Variants in HACE1 observed in about 807,000 individuals in gnomAD.
HACE1 encodes E3 ubiquitin-protein ligase HACE1.
Under a neutral mutation model 118.4 loss-of-function variants are expected in HACE1, and 73 were observed. The observed-to-expected ratio is 0.62, with a 90% CI of 0.51 to 0.75. The LOEUF is 0.75. Ranked by LOEUF, HACE1 falls within the 30% of genes least tolerant of loss-of-function variation. The probability of loss-of-function intolerance (pLI) is 0.00; values close to 1 mark genes in which losing one functional copy is unlikely to be tolerated. For synonymous variants in HACE1, 368 were observed against 374.8 expected, an observed-to-expected ratio of 0.98 and a Z score of 0.21; for missense variants, 749 against 1,102.2, an observed-to-expected ratio of 0.68 and a Z score of 4.54.
intron 5 of HACE1, among the ~76,000 whole-genome samples, chr6:104,839,968 T>C (rs917171726): frequency 6.6e-6 from 1 of 152,164 alleles, no homozygotes; most frequent in African/African-American, 2.4e-5. Context: ...ATTGCACTAC[T>C]GCACTCTAGC....
intron 19 of HACE1, among the ~76,000 whole-genome samples, chr6:104,769,863 G>A (rs1000296960): frequency 2.0e-5 from 3 of 151,952 alleles, no homozygotes; most frequent in Non-Finnish European, 4.4e-5. Flanking sequence ...GTACACTATA[G>A]TATCTTAAGT....
intron 22 of HACE1, among the ~76,000 whole-genome samples, chr6:104,740,195 A>T (rs1333991177): frequency 6.9e-6 from 1 of 145,654 alleles, no homozygotes; most frequent in Non-Finnish European, 1.5e-5. Context: ...TATAGCACTA[A>T]ATGCCCACAA....
At chr6:104,804,393 G>A (rs1163264474) in intron 7 of HACE1, among the ~76,000 whole-genome samples, 3 of 152,232 alleles carry the variant, frequency 2.0e-5, no homozygotes, top group African/African-American at 7.2e-5. Context: ...CCAAAAAAGT[G>A]CCCTCATTGC....
chr6:104,841,600 T>C (rs1051597926), intron 5 of HACE1, among the ~76,000 whole-genome samples: 1 of 152,206 alleles, frequency 6.6e-6, no homozygotes, highest in Non-Finnish European at 1.5e-5. Flanking sequence ...GTTTATTCTA[T>C]AATAAGCCAT....
At chr6:104,789,607 A>G (rs909994547) in intron 11 of HACE1, among the ~76,000 whole-genome samples, 2 of 152,174 alleles carry the variant, frequency 1.3e-5, no homozygotes, top group Non-Finnish European at 2.9e-5. Flanking sequence ...CAATATTTAA[A>G]TCATTTAAAT....
intron 14 of HACE1, chr6:104,780,397 G>A (rs1781604224): frequency 4.5e-6 from 2 of 440,312 alleles, no homozygotes; most frequent in Non-Finnish European, 9.0e-6. Context: ...GATTATAGAG[G>A]CTCCTCTTAA....
At chr6:104,853,019 T>A (rs917246147) in intron 1 of HACE1, among the ~76,000 whole-genome samples, 4 of 152,184 alleles carry the variant, frequency 2.6e-5, no homozygotes, top group Admixed American at 6.5e-5. Context: ...TACCAAAAGT[T>A]CATGTGTTGG....
chr6:104,837,537 CT>C (rs1297742471), intron 5 of HACE1, among the ~76,000 whole-genome samples: 2 of 152,072 alleles, frequency 1.3e-5, no homozygotes, highest in Non-Finnish European at 2.9e-5. Context: ...AAACATAAAA[CT>C]TGTAGAAAAA....
At position 104,849,145 on chromosome 6, in the gene HACE1, T is replaced by C. The variant is rs1240650191; in HGVS notation, c.323A>G (p.Asn108Ser). The C allele has an allele frequency of 1.3e-6, 2 of 1,562,576 alleles. No individual in the cohort carries two copies. The highest frequency in any genetic ancestry group is 1.1e-5 in the South Asian group (1 of 90,118). The stretch of plus-strand genomic sequence containing the variant: ...CTTAAGAAAACTAAATAGTTACCCA[T>C]TTCTTGCTGCCAAATGAAGGGGTGT... Reference protein sequence around the residue: ...GCTPLHLAARNGQKKCMSKLL... With the variant: ...GCTPLHLAARSGQKKCMSKLL... The change falls in exon 4 of 24, where the codon AAT becomes AGT. Residue 108 changes from asparagine to serine, a missense_variant. This residue lies in a region of HACE1 where 120 missense variants were observed against 219.1 expected (regional missense o/e 0.55). Transcript: ENST00000262903.
intron 20 of HACE1, among the ~76,000 whole-genome samples, chr6:104,746,407 T>C (rs1245888280): frequency 6.6e-6 from 1 of 152,228 alleles, no homozygotes; most frequent in Non-Finnish European, 1.5e-5. Flanking sequence ...ACTGGCTGCT[T>C]TGCCTGCTGG....
chr6:104,796,461 T>C (rs1001388401), intron 9 of HACE1, among the ~76,000 whole-genome samples, 194 bp downstream of exon 9: 3 of 152,184 alleles, frequency 2.0e-5, no homozygotes, highest in Non-Finnish European at 4.4e-5. Context: ...AGAAGATTTA[T>C]ATGGCCAAAT....
chr6:104,744,220 T>C lies in HACE1; in HGVS notation c.2453A>G (p.Glu818Gly). The change falls in exon 22 of 24, where the codon GAA becomes GGA. Residue 818 changes from glutamate (E) to glycine (G), a missense_variant. This residue lies in a region of HACE1 where 165 missense variants were observed against 229.9 expected (regional missense o/e 0.72). Transcript: ENST00000262903. ...REDPVIQWFW[E>G]VVEDITQEER... ...CTCTTGAGTAATGTCTTCTACAACT[T>C]CCCAGAACCACTAACAACAAGAACA... 6.3e-7 allele frequency: 1 copy of C among 1,594,196 alleles called. No individual in the cohort carries two copies. The highest frequency in any genetic ancestry group is 8.6e-7 in the Non-Finnish European group (1 of 1,167,840).
rs1279399387 is a variant in HACE1, at chr6:104,750,398, C to A, written c.2286G>T (p.Gln762His). The A allele has an allele frequency of 3.1e-6, 5 of 1,612,886 alleles. No homozygotes were observed. Among genetic ancestry groups the A allele is most frequent in the Non-Finnish European group, 4.2e-6 (5 of 1,179,120 alleles). The part of the protein sequence containing the change: ...AIQPQINAFL[Q>H]GFHMFIPPSL... ...AGGGTGGAATGAACATATGAAAGCC[C>A]TGTAAAAAAGCATTGATCTGAGGCT... The change falls in exon 20 of 24, where the codon CAG (glutamine) becomes CAT (histidine). Residue 762 changes from glutamine to histidine, a missense_variant. This residue lies in a region of HACE1 where 165 missense variants were observed against 229.9 expected (regional missense o/e 0.72). Transcript: ENST00000262903.
chr6:104,762,147 C>A (rs1779427259), intron 19 of HACE1, among the ~76,000 whole-genome samples: 1 of 152,136 alleles, frequency 6.6e-6, no homozygotes, highest in African/African-American at 2.4e-5. Flanking sequence ...GTGGCGATTC[C>A]TCAAGGATCT....
At chr6:104,747,673 T>C (rs1364003389) in intron 20 of HACE1, among the ~76,000 whole-genome samples, 1 of 152,112 alleles carries the variant, frequency 6.6e-6, no homozygotes, top group Non-Finnish European at 1.5e-5. Flanking sequence ...TCTATGACCA[T>C]GAACAAGTTC....
intron 19 of HACE1, among the ~76,000 whole-genome samples, chr6:104,766,404 A>G (rs1780020606): frequency 6.6e-6 from 1 of 152,068 alleles, no homozygotes; most frequent in Admixed American, 6.5e-5. Flanking sequence ...TCATGTCAGT[A>G]CTCGAAAAGT....
chr6:104,808,607 GATATA>G lies in HACE1; in HGVS notation c.617+2699_617+2703del, dbSNP rs201799198. Among the ~76,000 whole-genome samples the G allele has an allele frequency of 2.8e-3, 422 of 152,006 alleles. 1 individual carries two copies. The highest frequency in any genetic ancestry group is 0.01 in the Middle Eastern group (3 of 294). ...GTTTCAGTAGTTGACCCTTGAATAT[GATATA>G]ATATATTATATCTAGTAATACTTAT... On this transcript the variant is annotated intron_variant, in intron 7 of 23. Coordinates refer to ENST00000262903, the MANE Select transcript of HACE1 (RefSeq NM_020771.4).
chr6:104,798,494 T>C (rs1769943061), intron 7 of HACE1, among the ~76,000 whole-genome samples: 1 of 152,230 alleles, frequency 6.6e-6, no homozygotes, highest in South Asian at 2.1e-4. Flanking sequence ...TTTATTATTA[T>C]ACTGATTATC....
intron 20 of HACE1, among the ~76,000 whole-genome samples, chr6:104,746,911 A>G (rs192054656): frequency 7.0e-4 from 107 of 152,296 alleles, no homozygotes; most frequent in African/African-American, 2.2e-3. Flanking sequence ...TTCATTATTC[A>G]TAATTATGAA....
Sources: gnomAD v4.1 joint callset for allele counts (sites outside exome capture counted in the v4.1 genomes callset) on GRCh38, gnomAD v4.1.1 for gene constraint, gnomAD v4.1.1 regional missense constraint, MANE v1.5 for transcripts, NCBI Gene and HGNC (gene_info 2026-07-23, HGNC 2026-07-21) for gene names.